Variants in DLC1 observed in about 807,000 individuals in gnomAD.
DLC1 encodes rho GTPase-activating protein 7.
Under a neutral mutation model 140.3 loss-of-function variants are expected in DLC1, and 54 were observed. The ratio of observed to expected loss-of-function variants is 0.38; its 90% CI spans 0.31 to 0.48. The LOEUF is 0.48. Ranked by LOEUF, DLC1 falls within the 20% of genes least tolerant of loss-of-function variation. DLC1 has a pLI of 0.96. For missense variants in DLC1, 2,536 were observed against 1,907.0 expected, an observed-to-expected ratio of 1.33 and a Z score of -6.14; for synonymous variants, 986 against 728.1, an observed-to-expected ratio of 1.35 and a Z score of -5.70.
At chr8:13,350,526 G>T (rs1006211504) in intron 4 of DLC1, among the ~76,000 whole-genome samples, 2 of 152,014 alleles carry the variant, frequency 1.3e-5, no homozygotes, top group African/African-American at 4.8e-5. Flanking sequence ...AACCAGCCAG[G>T]CCAACATGGC....
intron 5 of DLC1, among the ~76,000 whole-genome samples, chr8:13,141,124 G>T (rs760931957): frequency 1.9e-4 from 29 of 151,864 alleles, no homozygotes; most frequent in Non-Finnish European, 3.7e-4. Context: ...GCATGGTGGC[G>T]CATGCCTGTA....
intron 2 of DLC1, among the ~76,000 whole-genome samples, chr8:13,466,770 A>G (rs1046972723): frequency 1.3e-5 from 2 of 152,196 alleles, no homozygotes; most frequent in Non-Finnish European, 2.9e-5. Context: ...TTCTATGTAC[A>G]TTAGATTTTT....
In DLC1 at chr8:13,451,037, C is replaced by CAAACAAAA. The variant is rs1799018344; in HGVS notation, c.1023+48011_1023+48012insTTTTGTTT. ...CTGGTGATAGAGTGAGACTCCGTCT[C>CAAACAAAA]AAAAAAAAAAAAAAAAAAAAAAAAA... On this transcript the variant is annotated intron_variant, in intron 2 of 17. Transcript: ENST00000276297. 1.6e-4 allele frequency among the ~76,000 whole-genome samples: 3 copies of CAAACAAAA among 18,380 alleles called. No homozygotes were observed. The East Asian group carries it at 8.0e-3, about 49-fold the overall frequency. The allele number at this position is 18,380 out of a possible 152,430, so 12.1% of individuals were successfully genotyped here. A position where few individuals can be genotyped will look rare whatever the true frequency, so the allele number is the denominator to read the frequency against.
At chr8:13,582,560 AC>A (rs1270629751) in intron 1 of DLC1, among the ~76,000 whole-genome samples, 1 of 151,946 alleles carries the variant, frequency 6.6e-6, no homozygotes, top group East Asian at 1.9e-4. Flanking sequence ...GATGCTTCCT[AC>A]CCTTGAACAT....
chr8:13,110,871 T>A (rs1315328761), intron 6 of DLC1, 48 bp from the exon 7 acceptor site: 1 of 1,574,058 alleles, frequency 6.4e-7, no homozygotes, highest in Non-Finnish European at 8.7e-7. Flanking sequence ...TAAAACCCAA[T>A]TTGCCAAATA....
intron 1 of DLC1, among the ~76,000 whole-genome samples, chr8:13,564,297 A>G (rs535753123): frequency 5.3e-5 from 8 of 152,290 alleles, no homozygotes; most frequent in African/African-American, 1.7e-4. Context: ...TATAAATAAA[A>G]TCATTTTTCA....
At chr8:13,277,464 AT>A (rs1831218082) in intron 5 of DLC1, among the ~76,000 whole-genome samples, 1 of 152,168 alleles carries the variant, frequency 6.6e-6, no homozygotes, top group African/African-American at 2.4e-5. Context: ...ATATCCCCTG[AT>A]TTTATGAATC....
chr8:13,394,074 G>A (rs764456964), intron 3 of DLC1, among the ~76,000 whole-genome samples: 3 of 152,144 alleles, frequency 2.0e-5, no homozygotes, highest in South Asian at 2.1e-4. Flanking sequence ...ACTATACAGC[G>A]CTGCCCAGAG....
rs142445114 is a variant in DLC1 at position 13,397,518 on chromosome 8, G to A, written c.1174-3825C>T. Among the ~76,000 whole-genome samples, 17 of 152,076 alleles carry A rather than the reference G, an allele frequency of 1.1e-4. No homozygotes were observed. In the East Asian group the frequency reaches 1.4e-3, roughly 12 times the overall value. ...AGAAGGAGTGAGGAAAAATGATGGC[G>A]CAATAACCAATAATTAAATTAAGAA... On this transcript the variant is annotated intron_variant, in intron 3 of 17. Transcript: ENST00000276297.
intron 5 of DLC1, among the ~76,000 whole-genome samples, chr8:13,292,999 G>T (rs1162101242): frequency 1.3e-5 from 2 of 152,160 alleles, no homozygotes; most frequent in Admixed American, 6.5e-5. Context: ...GAGGTGGGAG[G>T]ATCTCTTGGA....
chr8:13,126,489 C>T (rs984221083), intron 5 of DLC1, among the ~76,000 whole-genome samples: 2 of 151,918 alleles, frequency 1.3e-5, no homozygotes, highest in Non-Finnish European at 2.9e-5. Context: ...TCATAAAGTA[C>T]GAAGTCCTTT....
At chr8:13,340,696 C>A (rs1377758790) in intron 4 of DLC1, 1 of 152,170 alleles carries the variant, frequency 6.6e-6, no homozygotes. Flanking sequence ...TGTGTAGTGG[C>A]TATTGTTTTA....
chr8:13,378,564 C>T (rs1407833495), intron 4 of DLC1, among the ~76,000 whole-genome samples: 1 of 152,042 alleles, frequency 6.6e-6, no homozygotes, highest in Non-Finnish European at 1.5e-5. Flanking sequence ...ATACTATATA[C>T]ATATTTATTG....
intron 1 of DLC1, chr8:13,567,169 C>G: frequency 6.4e-7 from 1 of 1,551,774 alleles, no homozygotes; most frequent in Non-Finnish European, 8.7e-7. Context: ...GAGGGAAAAG[C>G]AGACTCCAAG....
intron 5 of DLC1, among the ~76,000 whole-genome samples, chr8:13,299,331 C>A (rs1397398435): frequency 2.0e-5 from 3 of 151,452 alleles, no homozygotes; most frequent in Non-Finnish European, 4.4e-5. Context: ...GCCTGTAATC[C>A]CAGCTACTTG....
At chr8:13,492,403 C>T (rs1000546913) in intron 2 of DLC1, among the ~76,000 whole-genome samples, 1 of 152,002 alleles carries the variant, frequency 6.6e-6, no homozygotes, top group African/African-American at 2.4e-5. Context: ...CACTTTTTGT[C>T]AAAGACTTGT....
chr8:13,344,751 G>A (rs1211424962), intron 4 of DLC1, among the ~76,000 whole-genome samples: 1 of 152,158 alleles, frequency 6.6e-6, no homozygotes, highest in Non-Finnish European at 1.5e-5. Context: ...GAAAGCACGT[G>A]TGTGTAACAA....
intron 2 of DLC1, among the ~76,000 whole-genome samples, chr8:13,461,891 T>A (rs289533): frequency 0.42 from 64,162 of 152,054 alleles, 13,725 homozygotes; most frequent in African/African-American, 0.45. Context: ...GCCTGTGACA[T>A]GCTGTGTGAT....
At chr8:13,485,008 T>C (rs1312212115) in intron 2 of DLC1, among the ~76,000 whole-genome samples, 1 of 152,192 alleles carries the variant, frequency 6.6e-6, no homozygotes, top group Non-Finnish European at 1.5e-5. Context: ...TTGAAAATGC[T>C]ATGTCAAGTA....
Sources: gnomAD v4.1 joint callset for allele counts (sites outside exome capture counted in the v4.1 genomes callset) on GRCh38, gnomAD v4.1.1 for gene constraint, MANE v1.5 for transcripts, NCBI Gene and HGNC (gene_info 2026-07-23, HGNC 2026-07-21) for gene names.